RALYL: variants seen among roughly 807,000 people sequenced by gnomAD.
RALYL encodes RNA-binding Raly-like protein.
In RALYL, 29 loss-of-function variants were observed where a neutral mutation model predicts 35.1. That is an observed-to-expected ratio of 0.83 (90% CI 0.61 to 1.13). The LOEUF is 1.13. RALYL is among the 50% of genes most tolerant of loss of function. The pLI is 0.00. For missense variants in RALYL, 359 were observed against 360.4 expected (o/e 1.00, Z 0.03); for synonymous variants, 120 against 127.6 (o/e 0.94, Z 0.40).
chr8:84,709,318 T>G (rs1347553234), intron 2 of RALYL, among the ~76,000 whole-genome samples: 1 of 152,138 alleles, frequency 6.6e-6, no homozygotes, highest in East Asian at 1.9e-4. Context: ...GCTTGTGTGC[T>G]TCAGATCCTT....
chr8:84,574,648 C>T (rs533101610), intron 2 of RALYL, among the ~76,000 whole-genome samples: 2 of 152,196 alleles, frequency 1.3e-5, no homozygotes, highest in South Asian at 4.2e-4. Context: ...TGTTTCTTGT[C>T]TCTGTTTTCT....
intron 2 of RALYL, among the ~76,000 whole-genome samples, chr8:84,544,580 T>C (rs984040571): frequency 6.6e-6 from 1 of 152,054 alleles, no homozygotes; most frequent in African/African-American, 2.4e-5. Context: ...ATGTTTCCAG[T>C]CTTTTCTTAT....
At chr8:84,511,355 CAA>C (rs1011752881) in intron 1 of RALYL, among the ~76,000 whole-genome samples, 3 of 152,118 alleles carry the variant, frequency 2.0e-5, no homozygotes, top group African/African-American at 7.2e-5. Context: ...TTAATAATGT[CAA>C]GTTATTACAA....
chr8:84,227,359 A>C (rs1348133757), intron 1 of RALYL, among the ~76,000 whole-genome samples: 1 of 76,412 alleles, frequency 1.3e-5, no homozygotes, highest in East Asian at 5.7e-4. Flanking sequence ...CGTCTGGCAC[A>C]AAAAAAATGT....
chr8:84,229,747 G>C (rs1824882182), intron 1 of RALYL, among the ~76,000 whole-genome samples: 1 of 152,106 alleles, frequency 6.6e-6, no homozygotes, highest in Non-Finnish European at 1.5e-5. Flanking sequence ...GTAACCTTGA[G>C]GTACTTCTTG....
At chr8:84,461,222 A>T (rs2050735113) in intron 1 of RALYL, among the ~76,000 whole-genome samples, 1 of 151,598 alleles carries the variant, frequency 6.6e-6, no homozygotes, top group African/African-American at 2.4e-5. Context: ...AATATAATAC[A>T]GAGAAATGTA....
In RALYL at chr8:84,862,311, C is replaced by T. The variant is rs375364868; in HGVS notation, c.429C>T (p.His143=). 1.5e-5 allele frequency: 23 copies of T among 1,582,578 alleles called. No individual in the cohort carries two copies. Among genetic ancestry groups the T allele is most frequent in the East Asian group, 4.7e-5 (2 of 42,300 alleles). ...TTTTGTAAAGGTTATTTGATTACCA[C>T]GGGCGTGTGCCTCCACCTCCCCGTG... ...DDFYNRLFDY[H]GRVPPPPRAV... The change falls in exon 6 of 9, where the codon CAC becomes CAT. Residue 143 remains histidine, a synonymous_variant. Transcript: ENST00000521268.
At chr8:84,734,720 A>G (rs1385361958) in intron 2 of RALYL, among the ~76,000 whole-genome samples, 1 of 152,082 alleles carries the variant, frequency 6.6e-6, no homozygotes, top group Non-Finnish European at 1.5e-5. Flanking sequence ...TATCTATGAA[A>G]TAGGAAAAAA....
chr8:84,764,336 T>C (rs1055700321), intron 2 of RALYL, among the ~76,000 whole-genome samples: 4 of 152,224 alleles, frequency 2.6e-5, no homozygotes, highest in Non-Finnish European at 5.9e-5. Context: ...GGGCATATGT[T>C]GTATGTTCAA....
intron 1 of RALYL, among the ~76,000 whole-genome samples, chr8:84,429,549 A>G (rs2046918171): frequency 6.6e-6 from 1 of 152,104 alleles, no homozygotes; most frequent in Admixed American, 6.6e-5. Flanking sequence ...ACACAGATAC[A>G]GATACATATG....
chr8:84,803,520 G>A (rs1044963102), intron 3 of RALYL, among the ~76,000 whole-genome samples: 2 of 152,122 alleles, frequency 1.3e-5, no homozygotes, highest in East Asian at 3.9e-4. Context: ...AATAATATTG[G>A]AATTCAGAAA....
At chr8:84,202,516 T>C (rs1442118285) in intron 1 of RALYL, among the ~76,000 whole-genome samples, 2 of 151,662 alleles carry the variant, frequency 1.3e-5, no homozygotes, top group Admixed American at 6.6e-5. Context: ...GGATTACAGG[T>C]GCCCACCACC....
At chr8:84,310,108 G>C (rs1454436022) in intron 1 of RALYL, among the ~76,000 whole-genome samples, 3 of 151,810 alleles carry the variant, frequency 2.0e-5, no homozygotes, top group Non-Finnish European at 4.4e-5. Flanking sequence ...GAGTGCAATG[G>C]CATGATAGCT....
At chr8:84,217,363 A>T (rs930075894) in intron 1 of RALYL, among the ~76,000 whole-genome samples, 1 of 152,150 alleles carries the variant, frequency 6.6e-6, no homozygotes, top group Non-Finnish European at 1.5e-5. Context: ...TATTAAAATG[A>T]ATTTTGTAAA....
At chr8:84,849,956 T>G in intron 4 of RALYL, 24 bp from the exon 5 acceptor site, 1 of 1,374,858 alleles carries the variant, frequency 7.3e-7, no homozygotes, top group African/African-American at 1.5e-5. Flanking sequence ...AAATGCCAAC[T>G]AATTTTTTTG....
chr8:84,497,630 G>GTTGT (rs2056182343), intron 1 of RALYL, among the ~76,000 whole-genome samples: 3 of 119,124 alleles, frequency 2.5e-5, no homozygotes, highest in African/African-American at 9.6e-5. Context: ...TTTTTTTGTT[G>GTTGT]TTTTTGTTTT....
At chr8:84,201,534 AT>A in intron 1 of RALYL, among the ~76,000 whole-genome samples, 1 of 151,282 alleles carries the variant, frequency 6.6e-6, no homozygotes, top group Admixed American at 6.6e-5. Context: ...TAGTTGCCTA[AT>A]TGGGGGAGTA....
chr8:84,288,573 AT>A (rs1394333653), intron 1 of RALYL, among the ~76,000 whole-genome samples: 8 of 152,062 alleles, frequency 5.3e-5, no homozygotes, highest in African/African-American at 1.9e-4. Flanking sequence ...TTTTTTCTGC[AT>A]TTTTAGTTGC....
In RALYL at chr8:84,472,266, T is replaced by C. The variant is rs1288084279; in HGVS notation, c.-23-57033T>C. Reference sequence around the variant, plus strand: ...ATTTGTGTGTATAAGGTATGCTTCCTCTTATTTCCTCTTTTAAGGGAGATA... The same window carrying C: ...ATTTGTGTGTATAAGGTATGCTTCCCCTTATTTCCTCTTTTAAGGGAGATA... On this transcript the variant is annotated intron_variant, in intron 1 of 8. Coordinates refer to ENST00000521268, the MANE Select transcript of RALYL (RefSeq NM_173848.7). Among the ~76,000 whole-genome samples, 4 of 152,180 alleles carry C rather than the reference T, an allele frequency of 2.6e-5. No homozygotes were observed. In the East Asian group the frequency reaches 7.7e-4, roughly 29 times the overall value.
Sources: allele counts gnomAD v4.1 joint callset (sites outside exome capture counted in the v4.1 genomes callset), GRCh38; gene constraint gnomAD v4.1.1; transcripts MANE v1.5; gene names NCBI Gene and HGNC (gene_info 2026-07-23, HGNC 2026-07-21).